Variants in CBFA2T2 observed in about 807,000 individuals in gnomAD.
CBFA2T2 encodes CBFA2/RUNX1 partner transcriptional co-repressor 2.
CBFA2T2 carries 11 observed loss-of-function variants against 62.2 expected under a neutral mutation model. The observed-to-expected ratio is 0.18, with a 90% confidence interval of 0.11 to 0.29. The LOEUF (loss-of-function observed/expected upper bound fraction) is 0.29, where lower values mean the gene tolerates loss of function less well. CBFA2T2 is among the 10% of genes least tolerant of loss of function. The probability of loss-of-function intolerance (pLI) is 1.00; values close to 1 mark genes in which losing one functional copy is unlikely to be tolerated. For missense variants in CBFA2T2, 592 were observed against 774.1 expected (o/e 0.76, Z 2.79); for synonymous variants, 295 against 287.5 (o/e 1.03, Z -0.27).
At chr20:33,566,671 C>T (rs1265716035) in intron 1 of CBFA2T2, among the ~76,000 whole-genome samples, 2 of 151,832 alleles carry the variant, frequency 1.3e-5, no homozygotes, top group Non-Finnish European at 2.9e-5. Flanking sequence ...AATCAGAGAA[C>T]CTTCCTAAAG....
At chr20:33,518,008 GTGCAATCTCGGCTCAC>G (rs2011633947) in intron 1 of CBFA2T2, among the ~76,000 whole-genome samples, 1 of 151,376 alleles carries the variant, frequency 6.6e-6, no homozygotes, top group Non-Finnish European at 1.5e-5. Flanking sequence ...GAGTGCAGTG[GTGCAATCTCGGCTCAC>G]TGCAACCTTC....
Position 33,490,118 on chromosome 20 carries a change from G to A in CBFA2T2, c.-150G>A. On this transcript the variant is annotated 5_prime_UTR_variant, in exon 1 of 11. Transcript: ENST00000342704. ...GGCGGCGGCGGCGGCGACGGCGACA[G>A]CAGCGGTGGTGGTGTCTGGTTAGCT... is the stretch of plus-strand genomic sequence containing the variant. 1.3e-6 allele frequency: 1 copy of A among 757,272 alleles called. No individual in the cohort carries two copies. The highest frequency in any genetic ancestry group is 1.7e-6 in the Non-Finnish European group (1 of 581,376). 46.9% of individuals were successfully genotyped at this position (757,272 alleles called of 1,614,324 possible). A position where few individuals can be genotyped will look rare whatever the true frequency, so the allele number is the denominator to read the frequency against.
intron 3 of CBFA2T2, among the ~76,000 whole-genome samples, chr20:33,616,566 A>C (rs2015720447): frequency 6.6e-6 from 1 of 152,090 alleles, no homozygotes; most frequent in African/African-American, 2.4e-5. Context: ...ATCTGTACTA[A>C]AAATACAAAA....
At chr20:33,643,603 A>G (rs1008485413) in intron 10 of CBFA2T2, among the ~76,000 whole-genome samples, 4 of 151,370 alleles carry the variant, frequency 2.6e-5, no homozygotes, top group Admixed American at 2.0e-4. Context: ...TCAGATTATC[A>G]GTAAAAACAA....
intron 1 of CBFA2T2, among the ~76,000 whole-genome samples, chr20:33,536,188 AC>A (rs1223100028): frequency 2.6e-5 from 4 of 151,464 alleles, no homozygotes; most frequent in Non-Finnish European, 4.4e-5. Flanking sequence ...TGTTGGGTAC[AC>A]CTCCCAGACG....
At position 33,607,096 on chromosome 20, in the gene CBFA2T2, G is replaced by A. The variant is rs1277634223; in HGVS notation, c.175G>A (p.Ala59Thr). 6.2e-7 allele frequency: 1 copy of A among 1,613,300 alleles called. No individual in the cohort carries two copies. Among genetic ancestry groups the A allele is most frequent in the Non-Finnish European group, 8.5e-7 (1 of 1,179,582 alleles). Residue 59 changes from alanine to threonine, a missense_variant, in exon 2 of 11, where the codon GCA becomes ACA. Ala to Thr is a moderately conservative substitution (Grantham distance 58). This residue lies in a region of CBFA2T2 where 449 missense variants were observed against 551.2 expected (regional missense o/e 0.81). Transcript: ENST00000342704. ...GPRPVSFTPT[A>T]LSNGINHSPP... ...GAGGCCAGTGTCCTTCACTCCTACT[G>A]CATGTGAGACCTCTTAGTTACTTAT...
chr20:33,628,178 C>T lies in CBFA2T2; in HGVS notation c.947-172C>T, dbSNP rs181168684. On this transcript the variant is annotated intron_variant, in intron 6 of 10. Transcript: ENST00000342704. ...TTGGAGTTTTTTATATAATGTGAAT[C>T]GTGATCCTTTGTTGGTTATATTGTC... Among the ~76,000 whole-genome samples, 428 of 152,242 alleles carry T rather than the reference C, an allele frequency of 2.8e-3. 3 individuals carry two copies. Among genetic ancestry groups the T allele is most frequent in the South Asian group, 6.6e-3 (32 of 4,828 alleles).
chr20:33,521,934 T>C (rs1451972333), intron 1 of CBFA2T2, among the ~76,000 whole-genome samples: 1 of 152,112 alleles, frequency 6.6e-6, no homozygotes. Flanking sequence ...CTTGAAGATA[T>C]TTCCAGCTCG....
intron 1 of CBFA2T2, among the ~76,000 whole-genome samples, chr20:33,571,750 C>T (rs985658270): frequency 5.3e-5 from 8 of 152,316 alleles, no homozygotes; most frequent in Non-Finnish European, 8.8e-5. Context: ...AAGTAGTACA[C>T]TCTTTTTGCT....
At chr20:33,581,000 T>TC (rs2146913718) in intron 1 of CBFA2T2, among the ~76,000 whole-genome samples, 1 of 152,078 alleles carries the variant, frequency 6.6e-6, no homozygotes, top group South Asian at 2.1e-4. Context: ...ATGTCTGCCC[T>TC]CCCTTCCCCT....
intron 8 of CBFA2T2, among the ~76,000 whole-genome samples, chr20:33,631,142 G>A (rs1489698613): frequency 5.3e-5 from 8 of 151,882 alleles, no homozygotes; most frequent in African/African-American, 9.7e-5. Flanking sequence ...GTGAAACCCC[G>A]TCTCTACTAA....
chr20:33,536,851 G>C lies in CBFA2T2; in HGVS notation c.34+46550G>C, dbSNP rs140619834. Among the ~76,000 whole-genome samples the C allele has an allele frequency of 5.9e-3, 896 of 151,092 alleles. 16 individuals carry two copies. The highest frequency in any genetic ancestry group is 0.021 in the African/African-American group (863 of 40,828). On this transcript the variant is annotated intron_variant, in intron 1 of 10. Transcript: ENST00000342704. ...CGCTCCTCACTTCCTAGATGGGATGGCGGCTGGGCAGAGACGCTCCTCACT... is the reference window on the plus strand; with the variant it reads ...CGCTCCTCACTTCCTAGATGGGATGCCGGCTGGGCAGAGACGCTCCTCACT...
intron 1 of CBFA2T2, among the ~76,000 whole-genome samples, chr20:33,492,941 T>A (rs2011159229): frequency 6.6e-6 from 1 of 151,950 alleles, no homozygotes; most frequent in South Asian, 2.1e-4. Flanking sequence ...TTTGTATTTT[T>A]TGTAGAGACG....
intron 1 of CBFA2T2, among the ~76,000 whole-genome samples, chr20:33,550,532 C>T (rs1268141267): frequency 2.0e-5 from 3 of 152,196 alleles, no homozygotes; most frequent in Non-Finnish European, 2.9e-5. Flanking sequence ...TTAATCAAGA[C>T]ACACCACCTG....
chr20:33,601,805 A>G (rs1165721951), intron 1 of CBFA2T2: 1 of 119,334 alleles, frequency 8.4e-6, no homozygotes. Flanking sequence ...TGTTATTCTA[A>G]TAGATTTTTT....
intron 4 of CBFA2T2, among the ~76,000 whole-genome samples, chr20:33,621,313 T>TTTTTTG (rs1491565812): frequency 1.9e-5 from 2 of 108,098 alleles, no homozygotes; most frequent in African/African-American, 7.9e-5. Flanking sequence ...TTTTTTTTTT[T>TTTTTTG]GGGGAGACAA....
At chr20:33,497,591 C>G (rs1274075896) in intron 1 of CBFA2T2, among the ~76,000 whole-genome samples, 1 of 142,312 alleles carries the variant, frequency 7.0e-6, no homozygotes, top group African/African-American at 2.7e-5. Context: ...CACTCTGTCG[C>G]TAGGCTACAG....
intron 1 of CBFA2T2, among the ~76,000 whole-genome samples, chr20:33,514,206 GTTTTTTTTTT>G (rs1196003433): frequency 3.7e-5 from 2 of 53,348 alleles, no homozygotes; most frequent in East Asian, 6.9e-4. Flanking sequence ...CCCTGCCTTT[GTTTTTTTTTT>G]TTTTTTTTTT....
intron 1 of CBFA2T2, among the ~76,000 whole-genome samples, chr20:33,497,650 A>T (rs2011218383): frequency 6.8e-6 from 1 of 146,822 alleles, no homozygotes; most frequent in African/African-American, 2.5e-5. Context: ...CCCGGGTTCC[A>T]GCGATTCTCC....
Sources: gnomAD v4.1 joint callset for allele counts (sites outside exome capture counted in the v4.1 genomes callset) on GRCh38, gnomAD v4.1.1 for gene constraint, gnomAD v4.1.1 regional missense constraint, MANE v1.5 for transcripts, NCBI Gene and HGNC (gene_info 2026-07-23, HGNC 2026-07-21) for gene names.